Variants in XKR9 observed in about 807,000 individuals in gnomAD.
XKR9 encodes XK-related protein 9.
Under a neutral mutation model 32.0 loss-of-function variants are expected in XKR9, and 32 were observed. That is an observed-to-expected ratio of 1.00 (90% CI 0.76 to 1.34). XKR9 has a LOEUF of 1.34. XKR9 is among the 40% of genes most tolerant of loss of function. The probability of loss-of-function intolerance (pLI) is 0.00; values close to 1 mark genes in which losing one functional copy is unlikely to be tolerated. For synonymous variants in XKR9, 168 were observed against 143.4 expected, an observed-to-expected ratio of 1.17 and a Z score of -1.22; for missense variants, 546 against 429.7, an observed-to-expected ratio of 1.27 and a Z score of -2.39.
chr8:70,869,236 C>G, the XKR9 span, among the ~76,000 whole-genome samples: 1 of 152,102 alleles, frequency 6.6e-6, no homozygotes, highest in Non-Finnish European at 1.5e-5. Context: ...TCTACTGGTA[C>G]CAATTTACTG....
chr8:70,749,608 T>C (rs1807108143), intron 2 of XKR9, among the ~76,000 whole-genome samples: 1 of 152,238 alleles, frequency 6.6e-6, no homozygotes. Context: ...GGACCCATGC[T>C]TGCTCACTCA....
At chr8:70,843,009 T>A in the XKR9 span, among the ~76,000 whole-genome samples, 3 of 152,212 alleles carry the variant, frequency 2.0e-5, no homozygotes, top group Non-Finnish European at 2.9e-5. Flanking sequence ...ATAGCAGATA[T>A]TTTTAACTAT....
chr8:70,704,488 T>C (rs894947525), intron 3 of XKR9, among the ~76,000 whole-genome samples: 5 of 152,166 alleles, frequency 3.3e-5, no homozygotes, highest in African/African-American at 1.2e-4. Flanking sequence ...AATTCTCACA[T>C]CAACCCAATG....
chr8:70,804,100 G>A, the XKR9 span, among the ~76,000 whole-genome samples: 233 of 152,338 alleles, frequency 1.5e-3, no homozygotes, highest in Non-Finnish European at 2.9e-3. Flanking sequence ...GTGTGGGTGG[G>A]GTTGCCCTCC....
the XKR9 span, among the ~76,000 whole-genome samples, chr8:71,060,197 T>C: frequency 2.5e-4 from 38 of 152,350 alleles, 3 homozygotes; most frequent in East Asian, 4.2e-3. Flanking sequence ...ACAGTATTTG[T>C]GGATGTTGAA....
the XKR9 span, among the ~76,000 whole-genome samples, chr8:70,938,216 T>G: frequency 6.6e-6 from 1 of 151,832 alleles, no homozygotes; most frequent in South Asian, 2.1e-4. Flanking sequence ...TTCCCAGGTG[T>G]GGGAATGGCA....
chr8:70,987,502 G>A, the XKR9 span, among the ~76,000 whole-genome samples: 1 of 152,184 alleles, frequency 6.6e-6, no homozygotes, highest in South Asian at 2.1e-4. Context: ...ATCTCCTTTG[G>A]TTCCATATCT....
chr8:71,027,757 T>C, the XKR9 span, among the ~76,000 whole-genome samples: 2 of 136,888 alleles, frequency 1.5e-5, no homozygotes, highest in East Asian at 2.3e-4. Flanking sequence ...TTTGTCTTTT[T>C]CTCTCTCTTT....
At chr8:70,803,319 A>G in the XKR9 span, among the ~76,000 whole-genome samples, 1 of 152,194 alleles carries the variant, frequency 6.6e-6, no homozygotes, top group Non-Finnish European at 1.5e-5. Context: ...TGAAATGGCC[A>G]TTTAATTTTT....
At chr8:70,699,491 C>A (rs371962175) in intron 3 of XKR9, among the ~76,000 whole-genome samples, 5 of 152,194 alleles carry the variant, frequency 3.3e-5, no homozygotes, top group Admixed American at 6.6e-5. Flanking sequence ...TCTTTTCTTT[C>A]AGAATGTTGA....
Position 70,733,418 on chromosome 8 carries a change from G to T in XKR9, c.494-378G>T, listed in dbSNP as rs141345655. Among the ~76,000 whole-genome samples the T allele has an allele frequency of 7.6e-4, 116 of 151,978 alleles. No individual in the cohort carries two copies. In the East Asian group the frequency reaches 0.014, roughly 19 times the overall value. ...CAGTCAAAACATCTAGAAAAACTAGGATTATAACTGTAGTCTCTTAACTCA... is the reference window on the plus strand; with the variant it reads ...CAGTCAAAACATCTAGAAAAACTAGTATTATAACTGTAGTCTCTTAACTCA... On this transcript the variant is annotated intron_variant, in intron 4 of 4. Coordinates refer to ENST00000408926, the MANE Select transcript of XKR9 (RefSeq NM_001011720.2).
the XKR9 span, among the ~76,000 whole-genome samples, chr8:70,881,204 C>T: frequency 6.6e-6 from 1 of 150,972 alleles, no homozygotes; most frequent in Non-Finnish European, 1.5e-5. Context: ...AGTACATAGG[C>T]ATGGGCAAGG....
At chr8:70,861,438 A>G in the XKR9 span, among the ~76,000 whole-genome samples, 1 of 151,900 alleles carries the variant, frequency 6.6e-6, no homozygotes, top group South Asian at 2.1e-4. Flanking sequence ...ATAGCTTGAA[A>G]CCAGGAAGTT....
At chr8:70,930,923 C>T in the XKR9 span, among the ~76,000 whole-genome samples, 1 of 152,098 alleles carries the variant, frequency 6.6e-6, no homozygotes, top group African/African-American at 2.4e-5. Context: ...CCTTCTTCAC[C>T]TTTCTGGTGA....
chr8:71,040,456 A>G, the XKR9 span, among the ~76,000 whole-genome samples: 1 of 152,214 alleles, frequency 6.6e-6, no homozygotes, highest in Non-Finnish European at 1.5e-5. Context: ...TGTTCCCATC[A>G]TTCATTAATT....
the XKR9 span, among the ~76,000 whole-genome samples, chr8:71,007,357 C>G: frequency 6.6e-6 from 1 of 152,132 alleles, no homozygotes; most frequent in African/African-American, 2.4e-5. Context: ...GTGGGATGAG[C>G]CCCCTGTCAT....
the XKR9 span, among the ~76,000 whole-genome samples, chr8:70,967,368 C>T: frequency 5.9e-5 from 9 of 151,978 alleles, no homozygotes; most frequent in Non-Finnish European, 8.8e-5. Context: ...CATGCCTGGC[C>T]GGGTCTTGAC....
At chr8:71,008,146 G>T in the XKR9 span, among the ~76,000 whole-genome samples, 1 of 152,056 alleles carries the variant, frequency 6.6e-6, no homozygotes, top group Non-Finnish European at 1.5e-5. Flanking sequence ...AGAATTTTTG[G>T]GGGTAAGGCT....
intron 2 of XKR9, among the ~76,000 whole-genome samples, chr8:70,675,807 C>T (rs1818864566): frequency 6.6e-6 from 1 of 152,196 alleles, no homozygotes; most frequent in African/African-American, 2.4e-5. Flanking sequence ...ATATCATTAT[C>T]GGCATTTGGG....
Sources: gnomAD v4.1 joint callset for allele counts (sites outside exome capture counted in the v4.1 genomes callset) on GRCh38, gnomAD v4.1.1 for gene constraint, MANE v1.5 for transcripts, NCBI Gene and HGNC (gene_info 2026-07-23, HGNC 2026-07-21) for gene names.